EYS: variants seen among roughly 807,000 people sequenced by gnomAD.
The protein encoded by EYS is protein eyes shut homolog.
In EYS, 250 loss-of-function variants were observed where a neutral mutation model predicts 282.1. The ratio of observed to expected loss-of-function variants is 0.89; its 90% CI spans 0.80 to 0.98. The LOEUF is 0.98. EYS is among the 50% of genes least tolerant of loss of function. EYS has a pLI of 0.00. For synonymous variants in EYS, 1,355 were observed against 1,282.9 expected (o/e 1.06, Z -1.20); for missense variants, 4,016 against 3,709.0 (o/e 1.08, Z -2.15).
At chr6:65,440,032 G>T (rs1768249540) in intron 5 of EYS, among the ~76,000 whole-genome samples, 1 of 152,014 alleles carries the variant, frequency 6.6e-6, no homozygotes, top group Non-Finnish European at 1.5e-5. Context: ...CATTGGAAAG[G>T]TTAAACAGCT....
At chr6:65,273,383 A>C (rs2150267978) in intron 12 of EYS, among the ~76,000 whole-genome samples, 1 of 152,324 alleles carries the variant, frequency 6.6e-6, no homozygotes, top group South Asian at 2.1e-4. Context: ...ATCATGAGAT[A>C]GAAACTTAAA....
chr6:64,360,019 A>C (rs150124566), intron 29 of EYS, among the ~76,000 whole-genome samples: 1 of 151,848 alleles, frequency 6.6e-6, no homozygotes, highest in African/African-American at 2.4e-5. Context: ...AATGGTTTCA[A>C]GTTTCTTCAT....
chr6:64,109,197 A>C (rs1773127512), intron 31 of EYS, among the ~76,000 whole-genome samples: 1 of 152,092 alleles, frequency 6.6e-6, no homozygotes, highest in African/African-American at 2.4e-5. Context: ...GTAAACATTA[A>C]TTATTACTCT....
intron 12 of EYS, among the ~76,000 whole-genome samples, chr6:65,173,410 AAT>A (rs1765150707): frequency 6.7e-6 from 1 of 149,600 alleles, no homozygotes. Context: ...TATAAATCAA[AAT>A]AGAACGGGGG....
At chr6:65,679,938 C>T (rs865881504) in intron 1 of EYS, among the ~76,000 whole-genome samples, 1 of 151,984 alleles carries the variant, frequency 6.6e-6, no homozygotes, top group Middle Eastern at 3.4e-3. Context: ...AAGAACATCT[C>T]CAGACCTACT....
chr6:64,324,051 ACAGCTCTTAATGGTCAGTC>A (rs1295929769), intron 29 of EYS, among the ~76,000 whole-genome samples: 1 of 152,132 alleles, frequency 6.6e-6, no homozygotes, highest in Non-Finnish European at 1.5e-5. Context: ...CTAACTTTTG[ACAGCTCTTAATGGTCAGTC>A]CAGCTACAAA....
intron 1 of EYS, among the ~76,000 whole-genome samples, chr6:65,690,291 C>A (rs966120267): frequency 1.3e-5 from 2 of 149,954 alleles, no homozygotes; most frequent in African/African-American, 4.9e-5. Context: ...CCAGTTAGAC[C>A]AGAAATTCTC....
intron 1 of EYS, among the ~76,000 whole-genome samples, chr6:65,648,315 TGTGTGTG>T (rs1767528494): frequency 9.7e-5 from 1 of 10,282 alleles, no homozygotes; most frequent in African/African-American, 4.3e-4. Flanking sequence ...AGAAAATATA[TGTGTGTG>T]TGTGTGTGTG....
chr6:64,966,265 G>A (rs1770091934), intron 14 of EYS, among the ~76,000 whole-genome samples: 1 of 152,080 alleles, frequency 6.6e-6, no homozygotes, highest in African/African-American at 2.4e-5. Flanking sequence ...TTTTAGCTAT[G>A]AGAAAAGAGA....
intron 35 of EYS, among the ~76,000 whole-genome samples, chr6:63,883,198 C>T (rs1773179578): frequency 6.6e-6 from 1 of 152,194 alleles, no homozygotes; most frequent in Admixed American, 6.5e-5. Context: ...CTTACTAAGG[C>T]CTCCAGGGCT....
chr6:64,300,950 C>A (rs1769212776), intron 30 of EYS, among the ~76,000 whole-genome samples: 1 of 152,144 alleles, frequency 6.6e-6, no homozygotes, highest in Non-Finnish European at 1.5e-5. Context: ...GCTTTGCTCT[C>A]TAGTAGAAAA....
intron 2 of EYS, among the ~76,000 whole-genome samples, chr6:65,560,228 TAA>T (rs1016458087): frequency 3.6e-4 from 52 of 145,876 alleles, no homozygotes; most frequent in Non-Finnish European, 7.4e-4. Flanking sequence ...AATATAATTA[TAA>T]TATATTATAA....
At chr6:65,166,193 C>A (rs1024516329) in intron 12 of EYS, among the ~76,000 whole-genome samples, 1 of 151,024 alleles carries the variant, frequency 6.6e-6, no homozygotes, top group Non-Finnish European at 1.5e-5. Flanking sequence ...GTAAGCCCTA[C>A]TGAAATCCAA....
At chr6:63,910,203 C>T (rs1773880642) in intron 35 of EYS, among the ~76,000 whole-genome samples, 1 of 152,078 alleles carries the variant, frequency 6.6e-6, no homozygotes, top group African/African-American at 2.4e-5. Flanking sequence ...CAAGTACTTT[C>T]CAACTATTAA....
chr6:64,300,991 A>T (rs1458083004), intron 30 of EYS, among the ~76,000 whole-genome samples: 1 of 152,200 alleles, frequency 6.6e-6, no homozygotes, highest in African/African-American at 2.4e-5. Context: ...TATTCATTTT[A>T]TGGATGATGT....
intron 26 of EYS, among the ~76,000 whole-genome samples, chr6:64,494,154 C>T (rs1776820206): frequency 6.6e-6 from 1 of 151,630 alleles, no homozygotes; most frequent in South Asian, 2.1e-4. Context: ...ATATTTCTGT[C>T]CATGCTATCC....
chr6:65,288,430 G>A (rs1247641112), intron 12 of EYS, among the ~76,000 whole-genome samples: 1 of 150,254 alleles, frequency 6.7e-6, no homozygotes, highest in South Asian at 2.1e-4. Context: ...CTAAGAATAC[G>A]AGATAGATAC....
At chr6:63,743,684 G>A (rs1296102043) in intron 41 of EYS, among the ~76,000 whole-genome samples, 1 of 152,122 alleles carries the variant, frequency 6.6e-6, no homozygotes, top group African/African-American at 2.4e-5. Flanking sequence ...ATTCAGCATA[G>A]GAAAGTAGAG....
intron 26 of EYS, among the ~76,000 whole-genome samples, chr6:64,469,994 CCAG>C (rs1030785716): frequency 2.0e-5 from 3 of 152,208 alleles, no homozygotes; most frequent in African/African-American, 7.2e-5. Context: ...GCCTTGGCTG[CCAG>C]GCAGGGAAGG....
Sources: gnomAD v4.1 joint callset for allele counts (sites outside exome capture counted in the v4.1 genomes callset) on GRCh38, gnomAD v4.1.1 for gene constraint, MANE v1.5 for transcripts, NCBI Gene and HGNC (gene_info 2026-07-23, HGNC 2026-07-21) for gene names.